The following MAN1A1 variants were observed in gnomAD, a reference collection of about 807,000 sequenced individuals.
MAN1A1 encodes the protein mannosidase alpha class 1A member 1, also known as mannosyl-oligosaccharide 1,2-alpha-mannosidase IA.
MAN1A1 carries 29 observed loss-of-function variants against 70.8 expected under a neutral mutation model. That is an observed-to-expected ratio of 0.41 (90% CI 0.31 to 0.56). The LOEUF (loss-of-function observed/expected upper bound fraction) is 0.56. Among genes scored for constraint, MAN1A1 ranks in the 20% least tolerant of loss-of-function variants. MAN1A1 has a pLI of 0.29. For missense variants in MAN1A1, 747 were observed against 841.3 expected (o/e 0.89, Z 1.39); for synonymous variants, 349 against 330.1 (o/e 1.06, Z -0.62).
intron 5 of MAN1A1, among the ~76,000 whole-genome samples, chr6:119,285,459 TC>T (rs769449787): frequency 5.3e-5 from 8 of 152,134 alleles, no homozygotes; most frequent in Non-Finnish European, 8.8e-5. Flanking sequence ...GGGACACACA[TC>T]CGAACTATAT....
intron 2 of MAN1A1, among the ~76,000 whole-genome samples, chr6:119,326,852 T>C (rs145346423): frequency 6.6e-5 from 10 of 152,308 alleles, no homozygotes; most frequent in African/African-American, 2.4e-4. Context: ...AAATGAGATA[T>C]GGGTGAGGAC....
intron 5 of MAN1A1, among the ~76,000 whole-genome samples, chr6:119,272,808 G>C (rs1372511404): frequency 6.6e-6 from 1 of 152,046 alleles, no homozygotes; most frequent in Non-Finnish European, 1.5e-5. Context: ...AACTGCTTTG[G>C]ATAATATAAA....
At chr6:119,205,925 T>C (rs1033738178) in intron 6 of MAN1A1, among the ~76,000 whole-genome samples, 8 of 152,218 alleles carry the variant, frequency 5.3e-5, no homozygotes, top group African/African-American at 1.9e-4. Context: ...GAACAAGAAC[T>C]AAGCATAAAT....
chr6:119,187,443 G>T (rs1007928148), intron 11 of MAN1A1, among the ~76,000 whole-genome samples: 3 of 152,122 alleles, frequency 2.0e-5, no homozygotes, highest in African/African-American at 7.2e-5. Flanking sequence ...CCTCAAAGAG[G>T]CCTAGAGAAT....
chr6:119,349,774 G>A, upstream of MAN1A1: 10 of 983,992 alleles, frequency 1.0e-5, no homozygotes, highest in Non-Finnish European at 1.2e-5. Context: ...TCTCACTGCC[G>A]GTCTTGGGGC....
intron 11 of MAN1A1, among the ~76,000 whole-genome samples, chr6:119,182,895 C>T (rs182501230): frequency 9.4e-4 from 143 of 151,598 alleles, no homozygotes; most frequent in African/African-American, 3.4e-3. Flanking sequence ...CCCCATTTTT[C>T]TCCCATTTAA....
intron 7 of MAN1A1, among the ~76,000 whole-genome samples, chr6:119,201,725 G>A (rs1773717281): frequency 6.6e-6 from 1 of 152,180 alleles, no homozygotes; most frequent in South Asian, 2.1e-4. Flanking sequence ...AGAGCACACT[G>A]TCACAAATGT....
intron 6 of MAN1A1, among the ~76,000 whole-genome samples, chr6:119,232,955 G>A (rs1445405295): frequency 2.0e-5 from 3 of 151,874 alleles, no homozygotes; most frequent in African/African-American, 7.3e-5. Flanking sequence ...TAATTCTTAA[G>A]GATTATTCTA....
chr6:119,293,398 T>C (rs539189193), intron 4 of MAN1A1, among the ~76,000 whole-genome samples: 22 of 152,256 alleles, frequency 1.4e-4, no homozygotes, highest in African/African-American at 5.3e-4. Flanking sequence ...TCACTTGCTA[T>C]GGCTTTGGAT....
At chr6:119,188,943 T>C (rs1291996704) in intron 10 of MAN1A1, among the ~76,000 whole-genome samples, 2 of 152,208 alleles carry the variant, frequency 1.3e-5, no homozygotes. Flanking sequence ...GGAACATTTC[T>C]GATCTGCAGT....
At chr6:119,340,323 A>G (rs1480653571) in intron 2 of MAN1A1, among the ~76,000 whole-genome samples, 2 of 152,194 alleles carry the variant, frequency 1.3e-5, no homozygotes, top group African/African-American at 4.8e-5. Context: ...GGGACAGACA[A>G]TCATGACCTA....
chr6:119,191,704 T>C lies in MAN1A1; in HGVS notation c.1327-1821A>G, dbSNP rs564432580. Among the ~76,000 whole-genome samples, 31 of 152,224 alleles carry C rather than the reference T, an allele frequency of 2.0e-4. 1 individual carries two copies. In the South Asian group the frequency reaches 6.0e-3, roughly 30 times the overall value. Reference sequence around the variant, plus strand: ...GTGTAGTCTCCAGATAGGGCCATGATAGCCAGTTGAAAGCTCAAAATATTT... The same window carrying C: ...GTGTAGTCTCCAGATAGGGCCATGACAGCCAGTTGAAAGCTCAAAATATTT... On this transcript the variant is annotated intron_variant, in intron 9 of 12. Coordinates refer to ENST00000368468, the MANE Select transcript of MAN1A1 (RefSeq NM_005907.4).
intron 2 of MAN1A1, among the ~76,000 whole-genome samples, chr6:119,333,586 A>C (rs1255253231): frequency 1.3e-5 from 2 of 152,238 alleles, no homozygotes; most frequent in African/African-American, 4.8e-5. Flanking sequence ...ATACTAAATT[A>C]AGCTAATTAT....
At chr6:119,207,860 A>G (rs1773921547) in intron 6 of MAN1A1, among the ~76,000 whole-genome samples, 1 of 152,120 alleles carries the variant, frequency 6.6e-6, no homozygotes, top group African/African-American at 2.4e-5. Context: ...CCGGTTACCA[A>G]AGGTGAGGCT....
chr6:119,180,422 C>A lies in MAN1A1; in HGVS notation c.1725G>T (p.Leu575Phe). 6.3e-7 allele frequency: 1 copy of A among 1,579,934 alleles called. No individual in the cohort carries two copies. The highest frequency in any genetic ancestry group is 8.7e-7 in the Non-Finnish European group (1 of 1,154,152). ...RKWAWEAVEA[L>F]ENHCRVNGGY... ...CTCCATTCACTCTGCAATGGTTTTC[C>A]AAGGCCTAAATTATAGAGGAGGAAA... is the stretch of plus-strand genomic sequence containing the variant. Residue 575 changes from leucine to phenylalanine, a missense_variant, in exon 12 of 13, where the codon TTG becomes TTT. This residue lies in a region of MAN1A1 where 419 missense variants were observed against 548.2 expected (regional missense o/e 0.76). Coordinates refer to ENST00000368468, the MANE Select transcript of MAN1A1 (RefSeq NM_005907.4).
At chr6:119,229,294 T>A (rs578127587) in intron 6 of MAN1A1, among the ~76,000 whole-genome samples, 1 of 151,874 alleles carries the variant, frequency 6.6e-6, no homozygotes, top group South Asian at 2.1e-4. Context: ...GTGAAAAAAG[T>A]TTGGGAAGCA....
chr6:119,196,464 C>T (rs1282152619), intron 8 of MAN1A1, among the ~76,000 whole-genome samples: 4 of 152,056 alleles, frequency 2.6e-5, no homozygotes, highest in Admixed American at 2.0e-4. Flanking sequence ...TAGTGGATGT[C>T]GGGGAGAGCA....
chr6:119,320,275 ATCTTC>A (rs1772971429), intron 2 of MAN1A1, among the ~76,000 whole-genome samples: 4 of 152,148 alleles, frequency 2.6e-5, no homozygotes, highest in Non-Finnish European at 5.9e-5. Flanking sequence ...CCCGGCCAGT[ATCTTC>A]TCTTAAGGAT....
At chr6:119,180,044 T>C in intron 12 of MAN1A1, 99 bp from the exon 13 acceptor site, 1 of 1,288,002 alleles carries the variant, frequency 7.8e-7, no homozygotes, top group Non-Finnish European at 1.1e-6. Context: ...GCATTCATCT[T>C]ACCAAGAAAC....
Sources: allele counts gnomAD v4.1 joint callset (sites outside exome capture counted in the v4.1 genomes callset), GRCh38; gene constraint gnomAD v4.1.1; regional missense constraint gnomAD v4.1.1; transcripts MANE v1.5; gene names NCBI Gene and HGNC (gene_info 2026-07-23, HGNC 2026-07-21).